The following PLD5 variants were observed in gnomAD, a reference collection of about 807,000 sequenced individuals.
PLD5 encodes the protein inactive phospholipase D5.
Under a neutral mutation model 61.1 loss-of-function variants are expected in PLD5, and 36 were observed. That is an observed-to-expected ratio of 0.59 (90% CI 0.45 to 0.78). The LOEUF is 0.78. Ranked by LOEUF, PLD5 falls within the 30% of genes least tolerant of loss-of-function variation. The probability of loss-of-function intolerance (pLI) is 0.00; values close to 1 mark genes in which losing one functional copy is unlikely to be tolerated. For synonymous variants in PLD5, 243 were observed against 242.8 expected (o/e 1.00, Z -0.01); for missense variants, 515 against 644.4 (o/e 0.80, Z 2.17).
chr1:242,470,203 C>T (rs994908538), intron 1 of PLD5, among the ~76,000 whole-genome samples: 1 of 151,796 alleles, frequency 6.6e-6, no homozygotes, highest in Non-Finnish European at 1.5e-5. Context: ...ATTAGCCGGG[C>T]GTGGTGCGGG....
At chr1:242,241,772 G>T (rs1164978189) in intron 4 of PLD5, among the ~76,000 whole-genome samples, 2 of 55,890 alleles carry the variant, frequency 3.6e-5, no homozygotes, top group Non-Finnish European at 3.9e-5. Flanking sequence ...ATTCCTATAG[G>T]CCACAAAATT....
chr1:242,515,739 A>G (rs147654965), intron 1 of PLD5, among the ~76,000 whole-genome samples: 139 of 152,364 alleles, frequency 9.1e-4, no homozygotes, highest in African/African-American at 3.1e-3. Flanking sequence ...GTGAACAACT[A>G]AAATAATGCT....
At chr1:242,173,979 T>C (rs958908327) in intron 5 of PLD5, among the ~76,000 whole-genome samples, 2 of 152,212 alleles carry the variant, frequency 1.3e-5, no homozygotes, top group African/African-American at 2.4e-5. Flanking sequence ...ATTCGGGACA[T>C]AGGCATGGGC....
rs537734709 is a variant in PLD5 at position 242,502,921 on chromosome 1, C to T, written c.189+21167G>A. On this transcript the variant is annotated intron_variant, in intron 1 of 9. Transcript: ENST00000536534. ...ACTAAAAATACAAAAATTAGCCTGGCGTGGTGGCACACACCTGTGATCCCA... is the reference window on the plus strand; with the variant it reads ...ACTAAAAATACAAAAATTAGCCTGGTGTGGTGGCACACACCTGTGATCCCA... Among the ~76,000 whole-genome samples, 38 of 152,042 alleles carry T rather than the reference C, an allele frequency of 2.5e-4. 1 individual carries two copies. In the South Asian group the frequency reaches 3.3e-3, roughly 13 times the overall value.
At position 242,312,667 on chromosome 1, in the gene PLD5, A is replaced by G. The variant is rs538504850; in HGVS notation, c.327-24137T>C. Among the ~76,000 whole-genome samples, 6 of 152,292 alleles carry G rather than the reference A, an allele frequency of 3.9e-5. No individual in the cohort carries two copies. In the South Asian group the frequency reaches 1.2e-3, roughly 32 times the overall value. On this transcript the variant is annotated intron_variant, in intron 2 of 9. Transcript: ENST00000536534. ...TCCTAGTTAAGCAACGCAGAGGTCA[A>G]TCTCCCAGGCTTCTGTCATACAGGG...
chr1:242,519,820 C>T (rs557155297), intron 1 of PLD5, among the ~76,000 whole-genome samples: 1 of 152,278 alleles, frequency 6.6e-6, no homozygotes, highest in South Asian at 2.1e-4. Flanking sequence ...GCCTTGCCGA[C>T]CAAAGGACCA....
chr1:242,494,653 T>C lies in PLD5; in HGVS notation c.189+29435A>G, dbSNP rs2809983. On this transcript the variant is annotated intron_variant, in intron 1 of 9. Transcript: ENST00000536534. ...CAAACCCCAGCCAAGGTTTATTTTA[T>C]GTTCCAAAATGACCACAAACTGTCC... is the stretch of plus-strand genomic sequence containing the variant. 6.0e-3 allele frequency among the ~76,000 whole-genome samples: 908 copies of C among 152,314 alleles called. 11 individuals are homozygous for C. Among genetic ancestry groups the C allele is most frequent in the African/African-American group, 0.021 (854 of 41,574 alleles).
intron 4 of PLD5, among the ~76,000 whole-genome samples, chr1:242,234,834 T>A (rs1671533235): frequency 6.6e-6 from 1 of 151,628 alleles, no homozygotes; most frequent in Non-Finnish European, 1.5e-5. Context: ...GGGAGGGAGG[T>A]GAGAGAAAGG....
At chr1:242,249,680 A>T (rs1228071057) in intron 4 of PLD5, among the ~76,000 whole-genome samples, 2 of 152,198 alleles carry the variant, frequency 1.3e-5, no homozygotes, top group Non-Finnish European at 2.9e-5. Flanking sequence ...CCTAAGTATG[A>T]TCCATACTCC....
chr1:242,299,026 A>T (rs1018632890), intron 2 of PLD5, among the ~76,000 whole-genome samples: 171 of 127,772 alleles, frequency 1.3e-3, no homozygotes, highest in Non-Finnish European at 2.6e-3. Flanking sequence ...AGGTGATTGG[A>T]AAAAAAAAAA....
rs371994140 is a variant in PLD5, at chr1:242,226,988, TA to T, written c.608-6874del. On this transcript the variant is annotated intron_variant, in intron 4 of 9. Coordinates refer to ENST00000536534, the MANE Select transcript of PLD5 (RefSeq NM_001372062.1). Reference sequence around the variant, plus strand: ...TATAATGCCATGATGAATTGAAAATTAATGTTACTACTTTGAAGAATCAAGT... The same window carrying T: ...TATAATGCCATGATGAATTGAAAATTATGTTACTACTTTGAAGAATCAAGT... 2.0e-3 allele frequency among the ~76,000 whole-genome samples: 306 copies of T among 152,370 alleles called. 1 individual carries two copies. Among genetic ancestry groups the T allele is most frequent in the African/African-American group, 7.0e-3 (290 of 41,594 alleles).
At chr1:242,100,807 A>T (rs1034391456) in intron 8 of PLD5, 25 bp from the exon 9 acceptor site, 1 of 1,487,002 alleles carries the variant, frequency 6.7e-7, no homozygotes, top group Non-Finnish European at 9.4e-7. Flanking sequence ...AAAAGGGGGC[A>T]GGTAAATAAG....
At chr1:242,295,400 TTC>T (rs1403425806) in intron 2 of PLD5, among the ~76,000 whole-genome samples, 2 of 152,230 alleles carry the variant, frequency 1.3e-5, no homozygotes, top group African/African-American at 4.8e-5. Context: ...GTATTCAATT[TTC>T]TGTTTCTGAG....
chr1:242,237,278 T>C (rs1438350623), intron 4 of PLD5, among the ~76,000 whole-genome samples: 3 of 152,042 alleles, frequency 2.0e-5, no homozygotes, highest in African/African-American at 7.2e-5. Context: ...TGAGTTAATA[T>C]TTTATATGAA....
chr1:242,456,501 T>C (rs1201415369), intron 1 of PLD5, among the ~76,000 whole-genome samples: 1 of 152,186 alleles, frequency 6.6e-6, no homozygotes, highest in Non-Finnish European at 1.5e-5. Context: ...AAAATCTGTT[T>C]AGATTTAAAG....
rs533903889 is a variant in PLD5 at position 242,389,373 on chromosome 1, T to C, written c.190-41131A>G. Reference sequence around the variant, plus strand: ...AATTACCCATACTCTGAAAAGGTTTTCGTTATCCAAAAAAACAGTTTGCAT... The same window carrying C: ...AATTACCCATACTCTGAAAAGGTTTCCGTTATCCAAAAAAACAGTTTGCAT... On this transcript the variant is annotated intron_variant, in intron 1 of 9. Coordinates refer to ENST00000536534, the MANE Select transcript of PLD5 (RefSeq NM_001372062.1). Among the ~76,000 whole-genome samples the C allele has an allele frequency of 2.0e-5, 3 of 152,266 alleles. No homozygotes were observed. The South Asian group carries it at 6.2e-4, about 32-fold the overall frequency.
chr1:242,276,405 A>G (rs1468165526), intron 3 of PLD5, among the ~76,000 whole-genome samples: 4 of 37,360 alleles, frequency 1.1e-4, no homozygotes, highest in Non-Finnish European at 2.1e-4. Flanking sequence ...TTATATATAC[A>G]TATTGTATAC....
chr1:242,490,858 C>T (rs576646672), intron 1 of PLD5, among the ~76,000 whole-genome samples: 4 of 135,106 alleles, frequency 3.0e-5, no homozygotes, highest in Admixed American at 8.2e-5. Flanking sequence ...TTTGGAGGAG[C>T]GCCTTAGGTT....
At chr1:242,241,932 G>GCTTATATATATATACTA (rs1672063750) in intron 4 of PLD5, among the ~76,000 whole-genome samples, 1 of 79,520 alleles carries the variant, frequency 1.3e-5, no homozygotes, top group Non-Finnish European at 2.6e-5. Context: ...ATATATATAC[G>GCTTATATATATATACTA]CTTATATATA....
Sources: gnomAD v4.1 joint callset for allele counts (sites outside exome capture counted in the v4.1 genomes callset) on GRCh38, gnomAD v4.1.1 for gene constraint, MANE v1.5 for transcripts, NCBI Gene and HGNC (gene_info 2026-07-23, HGNC 2026-07-21) for gene names.